Variants in TG observed in about 807,000 individuals in gnomAD.
The protein encoded by TG is thyroid hormones.
A neutral mutation model predicts 324.7 loss-of-function variants in TG; 270 were observed. The observed-to-expected ratio is 0.83, with a 90% CI of 0.75 to 0.92. TG has a LOEUF of 0.92. Ranked by LOEUF, TG falls within the 40% of genes least tolerant of loss-of-function variation. The pLI, the probability that TG is intolerant of heterozygous loss-of-function variation, is 0.00. For synonymous variants in TG, 1,401 were observed against 1,327.0 expected, an observed-to-expected ratio of 1.06 and a Z score of -1.21; for missense variants, 3,591 against 3,456.4, an observed-to-expected ratio of 1.04 and a Z score of -0.98.
chr8:133,070,229 G>A (rs1018285108), intron 41 of TG, among the ~76,000 whole-genome samples: 1 of 152,038 alleles, frequency 6.6e-6, no homozygotes. Flanking sequence ...ACATCTCTGA[G>A]GACGGAGTAG....
At chr8:132,915,970 G>A (rs1016472246) in intron 20 of TG, among the ~76,000 whole-genome samples, 1 of 152,210 alleles carries the variant, frequency 6.6e-6, no homozygotes, top group Non-Finnish European at 1.5e-5. Context: ...TCTAGTACCT[G>A]TCGCTCACTG....
At chr8:132,917,561 G>A (rs1228111740) in intron 20 of TG, among the ~76,000 whole-genome samples, 1 of 152,018 alleles carries the variant, frequency 6.6e-6, no homozygotes, top group African/African-American at 2.4e-5. Context: ...ACAAGAAGTG[G>A]GGCCAGAGAG....
At chr8:133,106,249 G>T (rs2131721757) in intron 43 of TG, among the ~76,000 whole-genome samples, 1 of 152,296 alleles carries the variant, frequency 6.6e-6, no homozygotes, top group East Asian at 1.9e-4. Context: ...AGGGCAGTGT[G>T]GCCTGCAGAG....
chr8:133,125,529 T>A (rs1361374168), intron 45 of TG, among the ~76,000 whole-genome samples: 1 of 152,216 alleles, frequency 6.6e-6, no homozygotes, highest in Non-Finnish European at 1.5e-5. Context: ...GCTTCGTGTA[T>A]TAAGCTGGAA....
At chr8:133,110,226 CCAAT>C (rs1458956196) in intron 43 of TG, among the ~76,000 whole-genome samples, 2 of 152,126 alleles carry the variant, frequency 1.3e-5, no homozygotes, top group African/African-American at 4.8e-5. Context: ...TTAGACCCAC[CCAAT>C]ATCTGAGGTG....
rs766658997 is a variant in TG, at chr8:132,933,638, T to A, written c.4894T>A (p.Trp1632Arg). Residue 1632 changes from tryptophan (W) to arginine (R), a missense_variant, in exon 24 of 48, where the codon TGG becomes AGG. Trp to Arg is a moderately radical substitution (Grantham distance 101). Transcript: ENST00000220616. ...EPEISCDFYA[W>R]TSDNVACMTS... is the part of the protein sequence containing the mutation. ...AGAGATTTCCTGTGATTTCTATGCT[T>A]GGACAAGTGACAATGTTGCCTGCAT... is the stretch of plus-strand genomic sequence containing the variant. 2.5e-6 allele frequency: 4 copies of A among 1,614,046 alleles called. No homozygotes were observed. The African/African-American group carries it at 5.3e-5, about 22-fold the overall frequency.
At chr8:132,878,683 G>T (rs543871415) in intron 5 of TG, among the ~76,000 whole-genome samples, 1 of 151,772 alleles carries the variant, frequency 6.6e-6, no homozygotes, top group African/African-American at 2.4e-5. Context: ...GTTGGGTCCT[G>T]GCATTCTCTA....
chr8:132,903,360 A>G (rs1349013829), intron 16 of TG, among the ~76,000 whole-genome samples: 2 of 152,176 alleles, frequency 1.3e-5, no homozygotes, highest in East Asian at 3.9e-4. Context: ...GTCTAGGAAG[A>G]TTCCTAATTC....
chr8:132,924,922 G>T (rs551367578), intron 22 of TG, among the ~76,000 whole-genome samples: 41 of 152,328 alleles, frequency 2.7e-4, no homozygotes, highest in Admixed American at 5.9e-4. Context: ...GAAACAGTCT[G>T]CAAGGTCCCT....
chr8:132,903,811 C>T (rs947431758), intron 16 of TG, among the ~76,000 whole-genome samples: 7 of 152,162 alleles, frequency 4.6e-5, no homozygotes, highest in African/African-American at 1.2e-4. Context: ...GGGCTGGTCC[C>T]CTAACCTCTC....
chr8:132,897,827 C>T (rs761299106), intron 12 of TG, 41 bp downstream of exon 12: 2 of 1,612,426 alleles, frequency 1.2e-6, no homozygotes, highest in South Asian at 1.1e-5. Context: ...AAGTGACACC[C>T]CTTTTTTATT....
chr8:133,050,075 A>G, intron 41 of TG: 2 of 906,142 alleles, frequency 2.2e-6, no homozygotes, highest in Non-Finnish European at 1.9e-6. Context: ...GATTTAACCC[A>G]GGACAGTTTG....
At chr8:132,912,024 T>C (rs945231165) in intron 19 of TG, among the ~76,000 whole-genome samples, 2 of 152,154 alleles carry the variant, frequency 1.3e-5, no homozygotes, top group Non-Finnish European at 2.9e-5. Flanking sequence ...TCTGGTAGGA[T>C]AGGAAAGAGC....
rs762807254 is a variant in TG at position 132,967,842 on chromosome 8, G to A, written c.5735G>A (p.Ser1912Asn). 2 of 1,613,984 alleles carry A rather than the reference G, an allele frequency of 1.2e-6. No homozygotes were observed. The highest frequency in any genetic ancestry group is 1.7e-6 in the Non-Finnish European group (2 of 1,179,916). The change falls in exon 31 of 48, where the codon AGT becomes AAT. Residue 1912 changes from serine (S) to asparagine (N), a missense_variant. Physicochemically the swap from Ser to Asn is conservative, Grantham distance 46. Coordinates refer to ENST00000220616, the MANE Select transcript of TG (RefSeq NM_003235.5). ...TGTCAGCTCGCAGAGATAACAGAGA[G>A]TGCATCCTTGTACTTCACCTGCACC... ...SFCQLAEITESASLYFTCTLY... is the reference protein window; with the variant it reads ...SFCQLAEITENASLYFTCTLY...
intron 30 of TG, 75 bp downstream of exon 30, chr8:132,966,772 C>A: frequency 6.2e-7 from 1 of 1,605,050 alleles, no homozygotes; most frequent in Non-Finnish European, 8.5e-7. Context: ...CTGGCAACTC[C>A]TGAGACACAG....
intron 21 of TG, among the ~76,000 whole-genome samples, chr8:132,919,832 C>T (rs896287755): frequency 2.0e-5 from 3 of 152,174 alleles, no homozygotes; most frequent in South Asian, 2.1e-4. Context: ...TCAAAGGGGC[C>T]GCCATCTTTG....
chr8:133,055,595 AG>A (rs1227418478), intron 41 of TG, among the ~76,000 whole-genome samples: 1 of 152,158 alleles, frequency 6.6e-6, no homozygotes, highest in Non-Finnish European at 1.5e-5. Context: ...TCCGTATGTT[AG>A]TGGGGACAGA....
chr8:133,024,328 T>C (rs1835836456), intron 40 of TG, among the ~76,000 whole-genome samples: 1 of 101,388 alleles, frequency 9.9e-6, no homozygotes, highest in Admixed American at 9.7e-5. Flanking sequence ...CTTTCTTTCT[T>C]TCTTTCTTTC....
chr8:133,113,374 A>T (rs1430911212), intron 43 of TG, 48 bp from the exon 44 acceptor site: 1 of 1,607,022 alleles, frequency 6.2e-7, no homozygotes, highest in Non-Finnish European at 8.5e-7. Context: ...ACTGACTTGG[A>T]CCTTTCAGAA....
Sources: gnomAD v4.1 joint callset for allele counts (sites outside exome capture counted in the v4.1 genomes callset) on GRCh38, gnomAD v4.1.1 for gene constraint, MANE v1.5 for transcripts, NCBI Gene and HGNC (gene_info 2026-07-23, HGNC 2026-07-21) for gene names.